FRMD6: variants seen among roughly 807,000 people sequenced by gnomAD.
The protein encoded by FRMD6 is FERM domain containing 6.
In FRMD6, 37 loss-of-function variants were observed where a neutral mutation model predicts 73.2. That is an observed-to-expected ratio of 0.51 (90% CI 0.39 to 0.66). The LOEUF (loss-of-function observed/expected upper bound fraction) is 0.66, where lower values mean the gene tolerates loss of function less well. Among genes scored for constraint, FRMD6 ranks in the 30% least tolerant of loss-of-function variants. The pLI is 0.00. For synonymous variants in FRMD6, 273 were observed against 282.2 expected (o/e 0.97, Z 0.33); for missense variants, 714 against 780.5 (o/e 0.91, Z 1.02).
At chr14:51,710,437 C>T (rs1209107883) in intron 7 of FRMD6, among the ~76,000 whole-genome samples, 1 of 152,038 alleles carries the variant, frequency 6.6e-6, no homozygotes, top group African/African-American at 2.4e-5. Context: ...ATGAGCATAG[C>T]CTTATTTTGG....
chr14:51,719,646 G>A (rs1323632218), intron 10 of FRMD6, among the ~76,000 whole-genome samples: 1 of 152,184 alleles, frequency 6.6e-6, no homozygotes, highest in Non-Finnish European at 1.5e-5. Flanking sequence ...TATTTAATAT[G>A]CTATGGATAC....
intron 2 of FRMD6, among the ~76,000 whole-genome samples, chr14:51,694,854 T>C (rs1895840612): frequency 6.6e-6 from 1 of 152,190 alleles, no homozygotes; most frequent in Non-Finnish European, 1.5e-5. Flanking sequence ...TAAAGACTCA[T>C]AATATGCAAA....
chr14:51,717,264 G>C (rs1897289744), intron 10 of FRMD6: 1 of 152,180 alleles, frequency 6.6e-6, no homozygotes, highest in Non-Finnish European at 1.5e-5. Flanking sequence ...TAGAGGCTGG[G>C]AAGTCCGGGA....
chr14:51,531,353 T>G (rs553179448), intron 1 of FRMD6, among the ~76,000 whole-genome samples: 1 of 152,248 alleles, frequency 6.6e-6, no homozygotes, highest in Non-Finnish European at 1.5e-5. Context: ...CGAGAAAATG[T>G]CAAACAAGCC....
At chr14:51,613,755 T>C (rs924767695) in intron 2 of FRMD6, among the ~76,000 whole-genome samples, 3 of 151,958 alleles carry the variant, frequency 2.0e-5, no homozygotes, top group African/African-American at 7.3e-5. Flanking sequence ...TTTGAAAAAC[T>C]GATGGAAGCT....
At chr14:51,725,893 T>C (rs769684805) in intron 13 of FRMD6, 23 bp downstream of exon 13, 6 of 1,555,146 alleles carry the variant, frequency 3.9e-6, no homozygotes, top group Admixed American at 1.7e-5. Flanking sequence ...TTGAAAAATA[T>C]CAGTTAGGAA....
chr14:51,487,627 T>G (rs577975375), upstream of FRMD6, among the ~76,000 whole-genome samples: 1 of 152,222 alleles, frequency 6.6e-6, no homozygotes, highest in South Asian at 2.1e-4. Flanking sequence ...CTTTGTACAT[T>G]TCACCTTTGC....
At chr14:51,674,971 A>T (rs1894283309) in intron 1 of FRMD6, among the ~76,000 whole-genome samples, 1 of 152,154 alleles carries the variant, frequency 6.6e-6, no homozygotes, top group Non-Finnish European at 1.5e-5. Context: ...TTTAGAATAG[A>T]TGGATAATAA....
the FRMD6 span, among the ~76,000 whole-genome samples, chr14:51,405,090 C>T: frequency 1.3e-5 from 2 of 152,038 alleles, no homozygotes; most frequent in South Asian, 2.1e-4. Flanking sequence ...TCCATGTTTC[C>T]GCAAAAGACA....
At chr14:51,569,649 A>T (rs1887996591) in intron 1 of FRMD6, among the ~76,000 whole-genome samples, 1 of 150,306 alleles carries the variant, frequency 6.7e-6, no homozygotes, top group African/African-American at 2.5e-5. Context: ...GACTACAGGC[A>T]TGCCACCCTG....
intron 1 of FRMD6, among the ~76,000 whole-genome samples, chr14:51,540,837 G>A (rs533879653): frequency 6.6e-6 from 1 of 152,114 alleles, no homozygotes; most frequent in South Asian, 2.1e-4. Flanking sequence ...TACTAGTCAT[G>A]GTTTTTCAAT....
chr14:51,637,156 A>G (rs1456128545), intron 2 of FRMD6, among the ~76,000 whole-genome samples: 1 of 152,154 alleles, frequency 6.6e-6, no homozygotes. Flanking sequence ...TGGGAGGTCA[A>G]GGCTGCAGTG....
At chr14:51,457,969 G>A in the FRMD6 span, among the ~76,000 whole-genome samples, 1 of 152,150 alleles carries the variant, frequency 6.6e-6, no homozygotes, top group Non-Finnish European at 1.5e-5. Context: ...AACTCAACCT[G>A]TGCCTGCTCT....
intron 1 of FRMD6, among the ~76,000 whole-genome samples, chr14:51,660,787 T>G (rs1462896280): frequency 6.6e-6 from 1 of 151,932 alleles, no homozygotes; most frequent in African/African-American, 2.4e-5. Flanking sequence ...GCAGGGACTT[T>G]GCGATTTGGT....
intron 2 of FRMD6, among the ~76,000 whole-genome samples, chr14:51,627,332 T>A (rs1344036224): frequency 6.6e-6 from 1 of 152,194 alleles, no homozygotes; most frequent in Non-Finnish European, 1.5e-5. Flanking sequence ...TGTTTGTGGA[T>A]GAGATTAGAA....
the FRMD6 span, among the ~76,000 whole-genome samples, chr14:51,452,900 G>A: frequency 6.6e-6 from 1 of 152,182 alleles, no homozygotes; most frequent in Non-Finnish European, 1.5e-5. Context: ...AGAAGACGAT[G>A]TCTCATCATC....
Position 51,730,258 on chromosome 14 carries a change from GTTTTGCACATGTTCTTTCTAAT to G in FRMD6, c.*2231_*2252del, listed in dbSNP as rs1566608475. ...TGAGGTTTTGCTGACATTGTTGGTG[GTTTTGCACATGTTCTTTCTAAT>G]TGGATTTATGAATAGTTCTATGGGT... On this transcript the variant is annotated 3_prime_UTR_variant, in exon 14 of 14. Transcript: ENST00000344768. 6.6e-6 allele frequency: 1 copy of G among 152,160 alleles called. No homozygotes were observed. Among genetic ancestry groups the G allele is most frequent in the Non-Finnish European group, 1.5e-5 (1 of 68,028 alleles). The allele number at this position is 152,160 out of a possible 1,614,324, so 9.4% of individuals were successfully genotyped here. A position where few individuals can be genotyped will look rare whatever the true frequency, so the allele number is the denominator to read the frequency against.
At position 51,597,758 on chromosome 14, in the gene FRMD6, G is replaced by A. The variant is rs535974149; in HGVS notation, c.-147+27348G>A. On this transcript the variant is annotated intron_variant, in intron 2 of 14. Coordinates refer to the FRMD6 transcript ENST00000356218. ...TCAATCCAAGTTATTAAAGAAGGGG[G>A]TAAAGAAATTCCAAGACCAGATGAT... Among the ~76,000 whole-genome samples, 9 of 152,304 alleles carry A rather than the reference G, an allele frequency of 5.9e-5. No homozygotes were observed. The South Asian group carries it at 1.9e-3, about 32-fold the overall frequency.
the FRMD6 span, among the ~76,000 whole-genome samples, chr14:51,474,434 G>A: frequency 6.6e-5 from 10 of 152,184 alleles, no homozygotes; most frequent in East Asian, 1.9e-3. Context: ...AAAGATTTAG[G>A]CCTCAGAATC....
Sources: allele counts gnomAD v4.1 joint callset (sites outside exome capture counted in the v4.1 genomes callset), GRCh38; gene constraint gnomAD v4.1.1; transcripts MANE v1.5; gene names NCBI Gene and HGNC (gene_info 2026-07-23, HGNC 2026-07-21).